The following SLAIN1 variants were observed in gnomAD, a reference collection of about 807,000 sequenced individuals.
SLAIN1 encodes SLAIN family member 1.
Under a neutral mutation model 55.4 loss-of-function variants are expected in SLAIN1, and 17 were observed. The ratio of observed to expected loss-of-function variants is 0.31; its 90% CI spans 0.21 to 0.46. The LOEUF (loss-of-function observed/expected upper bound fraction) is 0.46. Ranked by LOEUF, SLAIN1 falls within the 20% of genes least tolerant of loss-of-function variation. SLAIN1 has a pLI of 1.00. For synonymous variants in SLAIN1, 348 were observed against 337.4 expected (o/e 1.03, Z -0.35); for missense variants, 682 against 785.1 (o/e 0.87, Z 1.57).
At chr13:77,705,746 T>C (rs906139709) in intron 1 of SLAIN1, among the ~76,000 whole-genome samples, 1 of 151,976 alleles carries the variant, frequency 6.6e-6, no homozygotes, top group Non-Finnish European at 1.5e-5. Flanking sequence ...TTTTGTATTA[T>C]CTGCAAAAAG....
chr13:77,715,041 T>A (rs1384744918), intron 1 of SLAIN1, among the ~76,000 whole-genome samples: 1 of 152,148 alleles, frequency 6.6e-6, no homozygotes, highest in Admixed American at 6.5e-5. Flanking sequence ...CTAATTTTCG[T>A]ATTTTTAGTA....
chr13:77,744,095 A>G (rs1873643026), intron 2 of SLAIN1, 188 bp from the exon 3 acceptor site: 1 of 595,332 alleles, frequency 1.7e-6, no homozygotes, highest in African/African-American at 1.9e-5. Context: ...AAAACAATGA[A>G]CAAGTGGTTT....
At chr13:77,712,037 C>G (rs751385122) in intron 1 of SLAIN1, among the ~76,000 whole-genome samples, 6 of 152,140 alleles carry the variant, frequency 3.9e-5, no homozygotes, top group Non-Finnish European at 8.8e-5. Flanking sequence ...CTTAAAAACT[C>G]TCAATAAACT....
chr13:77,752,703 C>T lies in SLAIN1; in HGVS notation c.1259-500C>T, dbSNP rs550993091. Among the ~76,000 whole-genome samples the T allele has an allele frequency of 7.9e-4, 120 of 152,260 alleles. 1 individual carries two copies. The highest frequency in any genetic ancestry group is 1.4e-3 in the Non-Finnish European group (93 of 68,010). ...TGGCCAAAGGCCTGAGAGATCCTGG[C>T]AAACCACTGATGTAAGTCCAAGAGT... On this transcript the variant is annotated intron_variant, in intron 4 of 6. Coordinates refer to ENST00000418532, the MANE Select transcript of SLAIN1 (RefSeq NM_001242868.2).
chr13:77,727,525 C>T (rs539628301), intron 2 of SLAIN1, among the ~76,000 whole-genome samples: 1 of 151,478 alleles, frequency 6.6e-6, no homozygotes, highest in Admixed American at 6.6e-5. Context: ...AACAAAAACC[C>T]TCAAAAAACC....
intron 2 of SLAIN1, among the ~76,000 whole-genome samples, chr13:77,732,612 A>G (rs1469318693): frequency 6.6e-6 from 1 of 152,142 alleles, no homozygotes; most frequent in Non-Finnish European, 1.5e-5. Context: ...ACCTAAAGGG[A>G]AAATGGCTTC....
chr13:77,712,787 T>C lies in SLAIN1; in HGVS notation c.627-6745T>C, dbSNP rs575881417. Among the ~76,000 whole-genome samples the C allele has an allele frequency of 8.5e-4, 129 of 152,304 alleles. 1 individual carries two copies. Among genetic ancestry groups the C allele is most frequent in the South Asian group, 3.9e-3 (19 of 4,824 alleles). ...AGCAAAAAGAACAAAGCTGGAGGTA[T>C]CATGCTACCTGATTTCAAACTCTAC... On this transcript the variant is annotated intron_variant, in intron 1 of 6. Coordinates refer to ENST00000418532, the MANE Select transcript of SLAIN1 (RefSeq NM_001242868.2).
intron 2 of SLAIN1, among the ~76,000 whole-genome samples, chr13:77,732,709 G>A (rs1241943215): frequency 1.3e-5 from 2 of 152,038 alleles, no homozygotes; most frequent in East Asian, 3.9e-4. Flanking sequence ...ATTGCAGATG[G>A]GAAGTCAGAA....
chr13:77,699,803 C>T (rs1278405422), intron 1 of SLAIN1, among the ~76,000 whole-genome samples: 1 of 152,146 alleles, frequency 6.6e-6, no homozygotes, highest in African/African-American at 2.4e-5. Context: ...TCAAACAACT[C>T]ATCACTTTTG....
At chr13:77,738,910 C>A (rs1873272118) in intron 2 of SLAIN1, among the ~76,000 whole-genome samples, 2 of 152,074 alleles carry the variant, frequency 1.3e-5, no homozygotes, top group East Asian at 3.9e-4. Flanking sequence ...GCAGCATTTC[C>A]AGAATTCGGT....
intron 2 of SLAIN1, among the ~76,000 whole-genome samples, chr13:77,728,347 A>G (rs974883213): frequency 2.6e-5 from 4 of 152,198 alleles, no homozygotes; most frequent in African/African-American, 7.2e-5. Flanking sequence ...GTAATTTGAA[A>G]CGCCCAAAAT....
At chr13:77,736,245 AT>A (rs1873109754) in intron 2 of SLAIN1, among the ~76,000 whole-genome samples, 1 of 151,836 alleles carries the variant, frequency 6.6e-6, no homozygotes, top group Non-Finnish European at 1.5e-5. Flanking sequence ...CAGCATATTT[AT>A]TGCCTGTAAC....
intron 4 of SLAIN1, among the ~76,000 whole-genome samples, chr13:77,752,784 G>A (rs1874325442): frequency 6.6e-6 from 1 of 152,194 alleles, no homozygotes; most frequent in African/African-American, 2.4e-5. Flanking sequence ...ATCCAGCACA[G>A]GAGAAAGGTG....
intron 1 of SLAIN1, among the ~76,000 whole-genome samples, chr13:77,701,440 T>C (rs2091029636): frequency 6.6e-6 from 1 of 152,184 alleles, no homozygotes; most frequent in African/African-American, 2.4e-5. Flanking sequence ...ATTTTCTTTA[T>C]GATAGTTCAT....
At chr13:77,733,150 CT>C in intron 2 of SLAIN1, among the ~76,000 whole-genome samples, 1 of 152,076 alleles carries the variant, frequency 6.6e-6, no homozygotes. Context: ...AGTAGTACTC[CT>C]TATGCAACAT....
At chr13:77,723,760 C>G (rs772844938) in intron 2 of SLAIN1, among the ~76,000 whole-genome samples, 2 of 152,074 alleles carry the variant, frequency 1.3e-5, no homozygotes, top group Non-Finnish European at 2.9e-5. Flanking sequence ...TTTAGTTCTG[C>G]AAAATTTCTT....
Position 77,745,376 on chromosome 13 carries a change from G to T in SLAIN1, c.916+944G>T, listed in dbSNP as rs76819327. ...GAAACTGGGCAAAGTGTACAGTTTT[G>T]TTTTTTTTTAAGCACTGCATGTGAG... On this transcript the variant is annotated intron_variant, in intron 3 of 6. Transcript: ENST00000418532. Among the ~76,000 whole-genome samples the T allele has an allele frequency of 1.6e-3, 245 of 150,590 alleles. 3 individuals carry two copies. The East Asian group carries it at 0.046, about 28-fold the overall frequency.
chr13:77,721,541 G>C (rs188868651), intron 2 of SLAIN1, among the ~76,000 whole-genome samples: 1 of 152,024 alleles, frequency 6.6e-6, no homozygotes, highest in Admixed American at 6.6e-5. Context: ...ATAATTTGAA[G>C]TAAAATTCAA....
chr13:77,710,150 C>T (rs1333906444), intron 1 of SLAIN1, among the ~76,000 whole-genome samples: 3 of 152,178 alleles, frequency 2.0e-5, no homozygotes, highest in Non-Finnish European at 2.9e-5. Context: ...ACCAGTGATA[C>T]TATGAAGAAA....
Sources: gnomAD v4.1 joint callset for allele counts (sites outside exome capture counted in the v4.1 genomes callset) on GRCh38, gnomAD v4.1.1 for gene constraint, MANE v1.5 for transcripts, NCBI Gene and HGNC (gene_info 2026-07-23, HGNC 2026-07-21) for gene names.